RALGAPA1: variants seen among roughly 807,000 people sequenced by gnomAD.
RALGAPA1 encodes the protein ral GTPase-activating protein subunit alpha-1.
Under a neutral mutation model 269.6 loss-of-function variants are expected in RALGAPA1, and 52 were observed. The ratio of observed to expected loss-of-function variants is 0.19; its 90% CI spans 0.15 to 0.24. The LOEUF is 0.24. RALGAPA1 is among the 10% of genes least tolerant of loss of function. RALGAPA1 has a pLI of 1.00. For synonymous variants in RALGAPA1, 817 were observed against 1,008.3 expected, an observed-to-expected ratio of 0.81 and a Z score of 3.60; for missense variants, 1,917 against 3,013.9, an observed-to-expected ratio of 0.64 and a Z score of 8.52.
intron 11 of RALGAPA1, among the ~76,000 whole-genome samples, chr14:35,740,734 G>C (rs1439993689): frequency 1.3e-5 from 2 of 152,154 alleles, no homozygotes; most frequent in Admixed American, 1.3e-4. Context: ...CTTGAACCCG[G>C]GAGGTGGAGG....
At chr14:35,766,776 G>A (rs2074186574) in intron 4 of RALGAPA1, 2 of 515,824 alleles carry the variant, frequency 3.9e-6, no homozygotes, top group Non-Finnish European at 7.9e-6. Flanking sequence ...TAACTCTGGA[G>A]TATGCTAACT....
intron 16 of RALGAPA1, among the ~76,000 whole-genome samples, chr14:35,718,395 T>G (rs559191983): frequency 6.6e-6 from 1 of 152,330 alleles, no homozygotes; most frequent in African/African-American, 2.4e-5. Flanking sequence ...TTTAGGATTC[T>G]CAAGAAACTG....
At chr14:35,687,368 G>T (rs936158009) in intron 18 of RALGAPA1, among the ~76,000 whole-genome samples, 7 of 152,018 alleles carry the variant, frequency 4.6e-5, no homozygotes, top group Non-Finnish European at 8.8e-5. Context: ...TGATTTCTCT[G>T]CAATGAAAGG....
At chr14:35,673,828 C>T (rs11624381) in intron 24 of RALGAPA1, among the ~76,000 whole-genome samples, 16,866 of 152,010 alleles carry the variant, frequency 0.11, 1,555 homozygotes, top group East Asian at 0.37. Flanking sequence ...GTGATCCACC[C>T]GGCTCAGCCT....
chr14:35,549,206 T>C lies in RALGAPA1; in HGVS notation c.7525A>G (p.Thr2509Ala), dbSNP rs200980151. Residue 2509 changes from threonine (T) to alanine (A), a missense_variant, in exon 40 of 42, where the codon ACA becomes GCA. This residue lies in a region of RALGAPA1 where 91 missense variants were observed against 130.9 expected (regional missense o/e 0.70). Transcript: ENST00000680220. ...GGTTCTAAGTGGTGCTGGACAATTG[T>C]TTGCAGGTATCGTGCTCTCTCCTCA... ...FYEERARYLQ[T>A]IVQHHLEPTT... The C allele has an allele frequency of 3.7e-6, 6 of 1,613,012 alleles. No homozygotes were observed. In the African/African-American group the frequency reaches 8.0e-5, roughly 22 times the overall value.
intron 27 of RALGAPA1, among the ~76,000 whole-genome samples, chr14:35,662,112 C>T (rs1217297694): frequency 1.3e-5 from 2 of 152,036 alleles, no homozygotes; most frequent in Non-Finnish European, 2.9e-5. Flanking sequence ...AAAAATCAAA[C>T]AAGGTGATAT....
chr14:35,633,470 T>C (rs2061483728), intron 33 of RALGAPA1, among the ~76,000 whole-genome samples: 1 of 152,154 alleles, frequency 6.6e-6, no homozygotes, highest in African/African-American at 2.4e-5. Flanking sequence ...CCTTCTGGGT[T>C]AACTGGCCAA....
chr14:35,570,838 G>T, intron 38 of RALGAPA1, 94 bp from the exon 39 acceptor site: 2 of 1,175,416 alleles, frequency 1.7e-6, no homozygotes, highest in Admixed American at 3.0e-5. Context: ...AAGTATTTCT[G>T]CTGCTTCTTT....
At chr14:35,575,660 C>A (rs957158761) in intron 37 of RALGAPA1, among the ~76,000 whole-genome samples, 4 of 152,044 alleles carry the variant, frequency 2.6e-5, no homozygotes, top group African/African-American at 9.7e-5. Context: ...AATGGTGCAA[C>A]CTTGGCTCAC....
chr14:35,798,200 C>G (rs1389761351), intron 1 of RALGAPA1, among the ~76,000 whole-genome samples: 2 of 147,282 alleles, frequency 1.4e-5, no homozygotes, highest in Non-Finnish European at 3.0e-5. Flanking sequence ...AAAACCCGGT[C>G]TTGGACTGTC....
intron 27 of RALGAPA1, among the ~76,000 whole-genome samples, chr14:35,659,902 A>C (rs1486243155): frequency 6.6e-6 from 1 of 152,076 alleles, no homozygotes; most frequent in East Asian, 1.9e-4. Context: ...AAAAGCACTT[A>C]AGTAGAATAC....
intron 1 of RALGAPA1, among the ~76,000 whole-genome samples, chr14:35,807,501 C>T (rs1388982111): frequency 6.6e-6 from 1 of 152,140 alleles, no homozygotes; most frequent in Non-Finnish European, 1.5e-5. Context: ...AAAAAACAAA[C>T]TAGAGACACA....
chr14:35,613,912 G>C (rs1413482752), intron 35 of RALGAPA1, among the ~76,000 whole-genome samples: 1 of 151,974 alleles, frequency 6.6e-6, no homozygotes, highest in Non-Finnish European at 1.5e-5. Flanking sequence ...TCATAGCAAT[G>C]AAAAATACTC....
At chr14:35,552,757 A>C (rs2055149487) in intron 39 of RALGAPA1, among the ~76,000 whole-genome samples, 1 of 151,804 alleles carries the variant, frequency 6.6e-6, no homozygotes, top group South Asian at 2.1e-4. Flanking sequence ...TGCTGCAATC[A>C]CAGCAATATA....
chr14:35,735,568 TA>T (rs1285833783), intron 12 of RALGAPA1, among the ~76,000 whole-genome samples: 3 of 151,914 alleles, frequency 2.0e-5, no homozygotes, highest in African/African-American at 7.3e-5. Flanking sequence ...GGAAGGGTAG[TA>T]GGGGGGCAAG....
intron 41 of RALGAPA1, among the ~76,000 whole-genome samples, chr14:35,540,555 T>C (rs574630355): frequency 1.3e-5 from 2 of 152,346 alleles, no homozygotes; most frequent in South Asian, 4.1e-4. Context: ...TTCTCTAATA[T>C]GCAGCAATAC....
chr14:35,716,223 T>G (rs886951560), intron 16 of RALGAPA1: 35 of 261,954 alleles, frequency 1.3e-4, no homozygotes, highest in African/African-American at 7.6e-4. Flanking sequence ...GTGAAACCCC[T>G]TCTCACTAAA....
chr14:35,770,486 C>A (rs1156517826), intron 4 of RALGAPA1, among the ~76,000 whole-genome samples: 1 of 151,776 alleles, frequency 6.6e-6, no homozygotes, highest in African/African-American at 2.4e-5. Flanking sequence ...TGTACTCATT[C>A]ACAGATGATA....
intron 41 of RALGAPA1, 46 bp downstream of exon 41, chr14:35,548,461 GA>G: frequency 7.0e-7 from 1 of 1,427,026 alleles, no homozygotes; most frequent in Non-Finnish European, 9.5e-7. Flanking sequence ...TTGAAAAAAG[GA>G]AATGGGAGAA....
Sources: gnomAD v4.1 joint callset for allele counts (sites outside exome capture counted in the v4.1 genomes callset) on GRCh38, gnomAD v4.1.1 for gene constraint, gnomAD v4.1.1 regional missense constraint, MANE v1.5 for transcripts, NCBI Gene and HGNC (gene_info 2026-07-23, HGNC 2026-07-21) for gene names.